Variants in LUZP2 observed in about 807,000 individuals in gnomAD.
LUZP2 encodes leucine zipper protein 2.
A neutral mutation model predicts 51.6 loss-of-function variants in LUZP2; 52 were observed. That is an observed-to-expected ratio of 1.01 (90% CI 0.81 to 1.27). The LOEUF (loss-of-function observed/expected upper bound fraction) is 1.27. Among genes scored for constraint, LUZP2 ranks in the 50% most tolerant of loss-of-function variants. The pLI is 0.00. For missense variants in LUZP2, 436 were observed against 395.4 expected (o/e 1.10, Z -0.87); for synonymous variants, 154 against 137.3 (o/e 1.12, Z -0.85).
At chr11:24,685,276 A>G (rs1230178435) in intron 1 of LUZP2, among the ~76,000 whole-genome samples, 1 of 152,154 alleles carries the variant, frequency 6.6e-6, no homozygotes, top group African/African-American at 2.4e-5. Context: ...AGCACTTTGC[A>G]CATTACAGAT....
intron 9 of LUZP2, among the ~76,000 whole-genome samples, chr11:25,013,383 C>A (rs1206072191): frequency 6.6e-6 from 1 of 152,028 alleles, no homozygotes; most frequent in African/African-American, 2.4e-5. Context: ...GACCAAATCA[C>A]TATATATTAT....
At position 25,026,391 on chromosome 11, in the gene LUZP2, TG is replaced by T. The variant is rs1416822399; in HGVS notation, c.766-23645del. On this transcript the variant is annotated intron_variant, in intron 9 of 11. Coordinates refer to ENST00000336930, the MANE Select transcript of LUZP2 (RefSeq NM_001009909.4). ...ATATGAAAATTGAATGCTTAACATTTGGTATTTACAAACTATCCTCTAGAGA... is the reference window on the plus strand; with the variant it reads ...ATATGAAAATTGAATGCTTAACATTTGTATTTACAAACTATCCTCTAGAGA... Among the ~76,000 whole-genome samples the T allele has an allele frequency of 3.3e-5, 5 of 152,316 alleles. No individual in the cohort carries two copies. In the East Asian group the frequency reaches 5.8e-4, roughly 18 times the overall value.
chr11:24,916,006 A>T (rs539560601), intron 7 of LUZP2, among the ~76,000 whole-genome samples: 27 of 151,590 alleles, frequency 1.8e-4, no homozygotes, highest in Non-Finnish European at 2.5e-4. Context: ...TTATTTATTT[A>T]TTTTTTTTAG....
At chr11:24,956,855 G>T (rs1002447075) in intron 7 of LUZP2, among the ~76,000 whole-genome samples, 1 of 152,076 alleles carries the variant, frequency 6.6e-6, no homozygotes, top group Non-Finnish European at 1.5e-5. Flanking sequence ...AATTTCCAGG[G>T]CAGTGAGGAC....
At chr11:24,512,835 C>T (rs12417531) in intron 1 of LUZP2, among the ~76,000 whole-genome samples, 58,091 of 151,250 alleles carry the variant, frequency 0.38, 11,357 homozygotes, top group South Asian at 0.58. Flanking sequence ...CTGCAACCTC[C>T]GCCTCCTGGG....
intron 1 of LUZP2, among the ~76,000 whole-genome samples, chr11:24,558,094 C>T (rs1476618688): frequency 1.3e-5 from 2 of 152,108 alleles, no homozygotes; most frequent in East Asian, 3.9e-4. Context: ...TGAATTCTTG[C>T]TCTCTCTTCT....
chr11:24,811,078 A>T (rs780494259), intron 5 of LUZP2, among the ~76,000 whole-genome samples: 2 of 152,166 alleles, frequency 1.3e-5, no homozygotes, highest in Non-Finnish European at 2.9e-5. Flanking sequence ...CCTGTGTTCC[A>T]GTTTGTTTTC....
chr11:24,925,435 G>A (rs1854197088), intron 7 of LUZP2, among the ~76,000 whole-genome samples: 1 of 152,292 alleles, frequency 6.6e-6, no homozygotes, highest in South Asian at 2.1e-4. Context: ...CAGCTTAGAA[G>A]TAAATTCTGT....
At chr11:24,863,936 A>T (rs1851812302) in intron 5 of LUZP2, among the ~76,000 whole-genome samples, 1 of 152,198 alleles carries the variant, frequency 6.6e-6, no homozygotes. Context: ...AATTGAACAA[A>T]TTGTAATTAT....
At chr11:24,813,229 C>G (rs1850073407) in intron 5 of LUZP2, among the ~76,000 whole-genome samples, 1 of 152,156 alleles carries the variant, frequency 6.6e-6, no homozygotes, top group Admixed American at 6.5e-5. Context: ...CAAATTCCTT[C>G]TTGTCTGGTA....
chr11:24,512,041 G>C (rs925637166), intron 1 of LUZP2, among the ~76,000 whole-genome samples: 6 of 152,288 alleles, frequency 3.9e-5, no homozygotes, highest in South Asian at 4.1e-4. Context: ...AAAGAAAGTT[G>C]AAGGAGTTTC....
intron 10 of LUZP2, among the ~76,000 whole-genome samples, chr11:25,063,541 A>G (rs1858910589): frequency 6.6e-6 from 1 of 151,814 alleles, no homozygotes; most frequent in African/African-American, 2.4e-5. Context: ...GTTTATTGAT[A>G]TGTTTTATAA....
At chr11:24,989,051 G>A (rs1363342300) in intron 9 of LUZP2, among the ~76,000 whole-genome samples, 2 of 151,076 alleles carry the variant, frequency 1.3e-5, no homozygotes. Context: ...CTGGAGCAGT[G>A]AGGGAAGAAA....
chr11:24,538,098 T>C (rs559317060), intron 1 of LUZP2, among the ~76,000 whole-genome samples: 7 of 151,970 alleles, frequency 4.6e-5, no homozygotes, highest in African/African-American at 1.2e-4. Context: ...AAGATGTGAA[T>C]AGGCAATTCA....
intron 1 of LUZP2, among the ~76,000 whole-genome samples, chr11:24,604,135 G>A (rs1377247105): frequency 2.6e-5 from 4 of 151,698 alleles, no homozygotes; most frequent in East Asian, 1.9e-4. Context: ...ACCACCCCCA[G>A]CATACTATAT....
intron 7 of LUZP2, among the ~76,000 whole-genome samples, chr11:24,971,568 A>T (rs149522259): frequency 2.2e-4 from 34 of 152,248 alleles, no homozygotes; most frequent in Middle Eastern, 6.8e-3. Flanking sequence ...TCTATATTGC[A>T]AACCTCAGCA....
intron 1 of LUZP2, among the ~76,000 whole-genome samples, chr11:24,585,095 A>G (rs1853016435): frequency 6.6e-6 from 1 of 152,152 alleles, no homozygotes; most frequent in African/African-American, 2.4e-5. Context: ...CAGCACCTAC[A>G]TGGAACACTT....
intron 5 of LUZP2, among the ~76,000 whole-genome samples, chr11:24,767,691 A>T (rs879276200): frequency 6.6e-6 from 1 of 152,144 alleles, no homozygotes; most frequent in Admixed American, 6.5e-5. Context: ...CTGGTCAAGG[A>T]TTCTTCAGGG....
intron 1 of LUZP2, among the ~76,000 whole-genome samples, chr11:24,706,345 C>A (rs142462694): frequency 6.6e-6 from 1 of 151,934 alleles, no homozygotes; most frequent in South Asian, 2.1e-4. Flanking sequence ...GGTGACAAAA[C>A]CTCTCATCTT....
Sources: allele counts gnomAD v4.1 joint callset (sites outside exome capture counted in the v4.1 genomes callset), GRCh38; gene constraint gnomAD v4.1.1; transcripts MANE v1.5; gene names NCBI Gene and HGNC (gene_info 2026-07-23, HGNC 2026-07-21).